Variants in IQSEC1 observed in about 807,000 individuals in gnomAD.
The protein encoded by IQSEC1 is IQ motif and Sec7 domain ArfGEF 1.
Under a neutral mutation model 91.0 loss-of-function variants are expected in IQSEC1, and 31 were observed. The ratio of observed to expected loss-of-function variants is 0.34; its 90% CI spans 0.26 to 0.46. The LOEUF (loss-of-function observed/expected upper bound fraction) is 0.46. Among genes scored for constraint, IQSEC1 ranks in the 20% least tolerant of loss-of-function variants. The pLI, the probability that IQSEC1 is intolerant of heterozygous loss-of-function variation, is 1.00. For synonymous variants in IQSEC1, 699 were observed against 662.6 expected (o/e 1.05, Z -0.84); for missense variants, 1,388 against 1,575.6 (o/e 0.88, Z 2.02).
intron 1 of IQSEC1, among the ~76,000 whole-genome samples, chr3:13,241,524 C>G (rs1439774007): frequency 2.0e-5 from 3 of 152,270 alleles, no homozygotes; most frequent in African/African-American, 7.2e-5. Context: ...CTTGAAGTCA[C>G]AGCCTCTCCC....
chr3:13,041,389 C>T (rs753126243), intron 1 of IQSEC1, among the ~76,000 whole-genome samples: 3 of 152,176 alleles, frequency 2.0e-5, no homozygotes, highest in Non-Finnish European at 2.9e-5. Flanking sequence ...TCCGTGCCCG[C>T]CCCCTTTGGA....
At chr3:12,998,205 C>G (rs1223697763) in intron 1 of IQSEC1, among the ~76,000 whole-genome samples, 1 of 152,114 alleles carries the variant, frequency 6.6e-6, no homozygotes, top group African/African-American at 2.4e-5. Context: ...CAAAAATTAG[C>G]TGGGTGTGGT....
In IQSEC1 at chr3:13,282,730, G is replaced by A. The variant is rs1380102631; in HGVS notation, c.253C>T (p.Leu85Phe). ...GCTTACTTGTCGCGGCGGCCGCCGA[G>A]CTCCGGGATGGCGCCGAGCGGCTGC... The change falls in exon 1 of 16, where the codon CTC (leucine) becomes TTC (phenylalanine). Residue 85 changes from leucine to phenylalanine, a missense_variant. By Grantham distance (22) the Leu-to-Phe change is conservative. Coordinates refer to the IQSEC1 transcript ENST00000648114. This position sits in a 1 kb window ranked among gnomAD's most constrained non-coding sequence, Gnocchi z 6.4. Among the ~76,000 whole-genome samples the A allele has an allele frequency of 1.3e-5, 2 of 149,678 alleles. No homozygotes were observed. The highest frequency in any genetic ancestry group is 2.1e-4 in the South Asian group (1 of 4,818).
intron 1 of IQSEC1, among the ~76,000 whole-genome samples, chr3:13,210,935 G>A (rs1192878280): frequency 1.3e-5 from 2 of 152,200 alleles, no homozygotes; most frequent in Non-Finnish European, 2.9e-5. Flanking sequence ...GAGGCGAGGA[G>A]GCTGTGACTC....
chr3:13,068,062 G>C (rs967771020), intron 1 of IQSEC1, among the ~76,000 whole-genome samples: 3 of 152,262 alleles, frequency 2.0e-5, no homozygotes, highest in African/African-American at 7.2e-5. Flanking sequence ...TAGAGCAGGA[G>C]GCTTAGGCCC....
At chr3:13,246,843 C>G (rs1695116556) in intron 1 of IQSEC1, among the ~76,000 whole-genome samples, 1 of 152,188 alleles carries the variant, frequency 6.6e-6, no homozygotes, top group African/African-American at 2.4e-5. Flanking sequence ...AGCCCTGCCA[C>G]CCTTCCTGGA....
At chr3:13,227,110 TC>T (rs1205392411) in intron 1 of IQSEC1, among the ~76,000 whole-genome samples, 2 of 151,168 alleles carry the variant, frequency 1.3e-5, no homozygotes, top group African/African-American at 4.9e-5. Context: ...GCGTGGTGGC[TC>T]ACGCCTGTAA....
At chr3:13,047,762 C>G (rs1704553898) in intron 1 of IQSEC1, among the ~76,000 whole-genome samples, 1 of 152,148 alleles carries the variant, frequency 6.6e-6, no homozygotes, top group South Asian at 2.1e-4. Context: ...CCCACTGCCC[C>G]CTGTTCAGAT....
chr3:12,966,546 C>T (rs1360006913), intron 1 of IQSEC1, among the ~76,000 whole-genome samples: 1 of 152,138 alleles, frequency 6.6e-6, no homozygotes, highest in African/African-American at 2.4e-5. Flanking sequence ...ACACACACTC[C>T]CTTTCTCCCT....
At position 12,963,223 on chromosome 3, in the gene IQSEC1, C is replaced by T. The variant is rs556154656; in HGVS notation, c.24-21358G>A. ...CGCTTGCTATGGTTCTCCATCGGGA[C>T]CTTAAGTTCAAATCAAACTGTCACC... On this transcript the variant is annotated intron_variant, in intron 1 of 13. Coordinates refer to ENST00000613206, the MANE Select transcript of IQSEC1 (RefSeq NM_001134382.3). 5.4e-4 allele frequency among the ~76,000 whole-genome samples: 83 copies of T among 152,326 alleles called. No homozygotes were observed. The Middle Eastern group carries it at 0.017, about 31-fold the overall frequency.
In IQSEC1 at chr3:12,995,117, G is replaced by A. The variant is rs375078661; in HGVS notation, c.24-53252C>T. ...TCTGGAGCGAGGGCGTCAGGTGGCG[G>A]GCTGCGATTGGGACGAGGCGCCCCC... is the stretch of plus-strand genomic sequence containing the variant. On this transcript the variant is annotated intron_variant, in intron 1 of 13. Transcript: ENST00000613206. The A allele has an allele frequency of 5.3e-5, 8 of 152,374 alleles. No individual in the cohort carries two copies. In the East Asian group the frequency reaches 1.5e-3, roughly 29 times the overall value. The allele number at this position is 152,374 out of a possible 1,614,324, so 9.4% of individuals were successfully genotyped here. A position where few individuals can be genotyped will look rare whatever the true frequency, so the allele number is the denominator to read the frequency against.
chr3:13,263,137 C>A (rs1431481402), intron 1 of IQSEC1, among the ~76,000 whole-genome samples: 1 of 152,092 alleles, frequency 6.6e-6, no homozygotes, highest in Non-Finnish European at 1.5e-5. Context: ...GTATTCCCTG[C>A]TACTCAGGAG....
In IQSEC1 at chr3:12,983,327, G is replaced by A. The variant is rs188214312; in HGVS notation, c.24-41462C>T. ...CACAGCTGGTAGAGCAGTCCTCGGAGGGGATGAAAGGTGGCGTGGTGACAA... is the reference window on the plus strand; with the variant it reads ...CACAGCTGGTAGAGCAGTCCTCGGAAGGGATGAAAGGTGGCGTGGTGACAA... On this transcript the variant is annotated intron_variant, in intron 1 of 13. Coordinates refer to ENST00000613206, the MANE Select transcript of IQSEC1 (RefSeq NM_001134382.3). This position sits in a 1 kb window ranked among gnomAD's most constrained non-coding sequence, Gnocchi z 4.3. Among the ~76,000 whole-genome samples the A allele has an allele frequency of 6.6e-6, 1 of 152,348 alleles. No individual in the cohort carries two copies. The highest frequency in any genetic ancestry group is 6.5e-5 in the Admixed American group (1 of 15,308).
chr3:13,043,873 CGAG>C (rs1559738301), intron 1 of IQSEC1, among the ~76,000 whole-genome samples: 2 of 152,228 alleles, frequency 1.3e-5, no homozygotes, highest in Admixed American at 1.3e-4. Context: ...TCCATTCAGA[CGAG>C]GAGGTCTTGC....
chr3:13,025,185 G>A (rs1268127179), intron 1 of IQSEC1, among the ~76,000 whole-genome samples: 1 of 152,248 alleles, frequency 6.6e-6, no homozygotes, highest in Non-Finnish European at 1.5e-5. Flanking sequence ...CAGAAAGAGT[G>A]GGGGAAGCGA....
chr3:12,959,083 G>A (rs1559674245), intron 1 of IQSEC1, among the ~76,000 whole-genome samples: 1 of 152,198 alleles, frequency 6.6e-6, no homozygotes, highest in Non-Finnish European at 1.5e-5. Context: ...CCCCTAGAGA[G>A]GGTTGCTGGG....
intron 1 of IQSEC1, among the ~76,000 whole-genome samples, chr3:12,945,326 T>C (rs1363282611): frequency 1.3e-5 from 2 of 151,810 alleles, no homozygotes; most frequent in Non-Finnish European, 2.9e-5. Flanking sequence ...CAGAACATGC[T>C]TGGGAGTGGC....
intron 1 of IQSEC1, among the ~76,000 whole-genome samples, chr3:13,171,162 G>A (rs1041572650): frequency 1.3e-4 from 19 of 151,940 alleles, no homozygotes; most frequent in African/African-American, 4.1e-4. Context: ...GAGGAAATCC[G>A]CAGTGTCACT....
At chr3:12,930,183 T>C (rs1245515806) in intron 3 of IQSEC1, among the ~76,000 whole-genome samples, 1 of 151,890 alleles carries the variant, frequency 6.6e-6, no homozygotes, top group East Asian at 1.9e-4. Context: ...GAAAGGGTTC[T>C]CTCTCTCTCT....
Sources: allele counts gnomAD v4.1 joint callset (sites outside exome capture counted in the v4.1 genomes callset), GRCh38; gene constraint gnomAD v4.1.1; non-coding constraint Gnocchi (gnomAD v3.1); transcripts MANE v1.5; gene names NCBI Gene and HGNC (gene_info 2026-07-23, HGNC 2026-07-21).